The following GPC6 variants were observed in gnomAD, a reference collection of about 807,000 sequenced individuals.
The protein encoded by GPC6 is glypican-6.
GPC6 carries 14 observed loss-of-function variants against 55.2 expected under a neutral mutation model. The ratio of observed to expected loss-of-function variants is 0.25; its 90% confidence interval spans 0.17 to 0.40. The LOEUF (loss-of-function observed/expected upper bound fraction) is 0.40. Ranked by LOEUF, GPC6 falls within the 10% of genes least tolerant of loss-of-function variation. The pLI is 1.00. For synonymous variants in GPC6, 278 were observed against 259.6 expected (o/e 1.07, Z -0.68); for missense variants, 641 against 708.5 (o/e 0.90, Z 1.08).
intron 2 of GPC6, among the ~76,000 whole-genome samples, chr13:93,746,494 C>G (rs1884404778): frequency 6.6e-6 from 1 of 152,030 alleles, no homozygotes; most frequent in African/African-American, 2.4e-5. Context: ...TCAGAGAACC[C>G]TAGAGCATCA....
At chr13:93,663,942 G>A (rs1566475390) in intron 2 of GPC6, among the ~76,000 whole-genome samples, 1 of 152,178 alleles carries the variant, frequency 6.6e-6, no homozygotes, top group Non-Finnish European at 1.5e-5. Context: ...GGAGGCAAGA[G>A]CATGGAAGTC....
At chr13:94,337,314 C>T (rs374310470) in intron 6 of GPC6, among the ~76,000 whole-genome samples, 5 of 152,158 alleles carry the variant, frequency 3.3e-5, no homozygotes, top group Middle Eastern at 3.4e-3. Context: ...AAAGGGCCAT[C>T]GTCAAATAAA....
At chr13:93,552,439 T>TCTC (rs71706553) in intron 2 of GPC6, among the ~76,000 whole-genome samples, 59 of 150,998 alleles carry the variant, frequency 3.9e-4, no homozygotes, top group Middle Eastern at 3.4e-3. Flanking sequence ...GCCTTCCTTC[T>TCTC]CTCCTCCTCC....
chr13:93,896,229 G>A (rs1028004704), intron 3 of GPC6, among the ~76,000 whole-genome samples: 10 of 151,924 alleles, frequency 6.6e-5, no homozygotes, highest in African/African-American at 2.2e-4. Context: ...TTCAGGGAAG[G>A]AAATATTTCC....
chr13:93,676,123 AAAAAT>A (rs1881597504), intron 2 of GPC6, among the ~76,000 whole-genome samples: 1 of 13,476 alleles, frequency 7.4e-5, no homozygotes, highest in Non-Finnish European at 2.2e-4. Flanking sequence ...AAAAAAAAAA[AAAAAT>A]ATATATATAT....
At chr13:93,222,833 G>A (rs144594242), upstream of GPC6, among the ~76,000 whole-genome samples, 15 of 152,218 alleles carry the variant, frequency 9.9e-5, no homozygotes, top group East Asian at 2.9e-3. Flanking sequence ...AAGAAGTCCA[G>A]AAGTTGGAAG....
intron 1 of GPC6, among the ~76,000 whole-genome samples, chr13:93,326,380 CT>C (rs1879653623): frequency 6.6e-6 from 1 of 152,056 alleles, no homozygotes; most frequent in African/African-American, 2.4e-5. Context: ...ATGGGTCATA[CT>C]TTAAGCAGTA....
At chr13:94,270,352 G>T (rs975349565) in intron 4 of GPC6, among the ~76,000 whole-genome samples, 1 of 152,312 alleles carries the variant, frequency 6.6e-6, no homozygotes, top group Admixed American at 6.5e-5. Flanking sequence ...TAAGACAATT[G>T]CTACAGAGGT....
intron 2 of GPC6, among the ~76,000 whole-genome samples, chr13:93,698,667 A>G (rs1468594699): frequency 2.0e-5 from 3 of 151,648 alleles, no homozygotes; most frequent in Admixed American, 2.0e-4. Flanking sequence ...TTTCACTTTA[A>G]AAAATATGTC....
intron 2 of GPC6, among the ~76,000 whole-genome samples, chr13:93,772,903 G>A (rs1885348836): frequency 6.6e-6 from 1 of 152,102 alleles, no homozygotes; most frequent in Non-Finnish European, 1.5e-5. Context: ...TATGGATGCT[G>A]CTTTGAAGGA....
chr13:94,353,211 G>A (rs1431138889), intron 6 of GPC6, among the ~76,000 whole-genome samples: 1 of 152,110 alleles, frequency 6.6e-6, no homozygotes, highest in Non-Finnish European at 1.5e-5. Context: ...GAACCACCCA[G>A]CAATGGGAAC....
chr13:93,850,826 C>T (rs552824058), intron 3 of GPC6, among the ~76,000 whole-genome samples: 1 of 151,966 alleles, frequency 6.6e-6, no homozygotes, highest in African/African-American at 2.4e-5. Context: ...GATTAGACCA[C>T]ATGAAATGCT....
At chr13:93,875,287 T>C (rs1889255568) in intron 3 of GPC6, among the ~76,000 whole-genome samples, 1 of 152,032 alleles carries the variant, frequency 6.6e-6, no homozygotes, top group South Asian at 2.1e-4. Flanking sequence ...TACTTCTATT[T>C]ACCCGCAAAA....
At chr13:94,388,709 C>T (rs1257697989) in intron 7 of GPC6, among the ~76,000 whole-genome samples, 1 of 152,154 alleles carries the variant, frequency 6.6e-6, no homozygotes, top group Non-Finnish European at 1.5e-5. Flanking sequence ...CTCTTCCTGG[C>T]TTATAGACAA....
intron 4 of GPC6, among the ~76,000 whole-genome samples, chr13:94,249,149 G>A (rs1304322780): frequency 6.6e-6 from 1 of 152,098 alleles, no homozygotes; most frequent in Non-Finnish European, 1.5e-5. Flanking sequence ...AGTAGTCTCA[G>A]CAACTGTATC....
chr13:93,838,928 C>G (rs1315862763), intron 3 of GPC6, among the ~76,000 whole-genome samples: 1 of 152,110 alleles, frequency 6.6e-6, no homozygotes, highest in South Asian at 2.1e-4. Context: ...CAACATTTAT[C>G]TAGAGAAAGA....
intron 1 of GPC6, among the ~76,000 whole-genome samples, chr13:93,393,053 T>G (rs760278449): frequency 6.8e-6 from 1 of 147,970 alleles, no homozygotes. Flanking sequence ...TTGAGAGATA[T>G]AGATAGATAG....
chr13:93,244,618 A>G (rs569296483), intron 1 of GPC6, among the ~76,000 whole-genome samples: 3 of 152,240 alleles, frequency 2.0e-5, no homozygotes, highest in East Asian at 1.9e-4. Context: ...CTGCTCCCCA[A>G]ATCAGCTCTA....
chr13:93,354,995 T>C (rs1478586614), intron 1 of GPC6, among the ~76,000 whole-genome samples: 1 of 152,218 alleles, frequency 6.6e-6, no homozygotes, highest in Non-Finnish European at 1.5e-5. Flanking sequence ...TGATGAGCTC[T>C]TTTGTTCACA....
Sources: gnomAD v4.1 joint callset for allele counts (sites outside exome capture counted in the v4.1 genomes callset) on GRCh38, gnomAD v4.1.1 for gene constraint, MANE v1.5 for transcripts, NCBI Gene and HGNC (gene_info 2026-07-23, HGNC 2026-07-21) for gene names.